LYPD6B: variants seen among roughly 807,000 people sequenced by gnomAD.
LYPD6B encodes ly6/PLAUR domain-containing protein 6B.
A neutral mutation model predicts 22.8 loss-of-function variants in LYPD6B; 17 were observed. That is an observed-to-expected ratio of 0.75 (90% confidence interval 0.51 to 1.12). LYPD6B has a LOEUF of 1.12. Ranked by LOEUF, LYPD6B falls within the 50% of genes most tolerant of loss-of-function variation. The pLI is 0.00. For synonymous variants in LYPD6B, 106 were observed against 91.6 expected (o/e 1.16, Z -0.90); for missense variants, 221 against 258.3 (o/e 0.86, Z 0.99).
At chr2:149,120,214 A>T (rs989566906) in intron 1 of LYPD6B, among the ~76,000 whole-genome samples, 1 of 151,022 alleles carries the variant, frequency 6.6e-6, no homozygotes, top group Non-Finnish European at 1.5e-5. Flanking sequence ...AGAAATTTAC[A>T]GTACTTAGAA....
chr2:149,157,684 G>A (rs10193341), intron 2 of LYPD6B, among the ~76,000 whole-genome samples: 2 of 152,160 alleles, frequency 1.3e-5, no homozygotes, highest in African/African-American at 2.4e-5. Context: ...TTCCATACAC[G>A]TTGAAGGTGA....
chr2:149,061,096 G>A (rs1465949165), intron 1 of LYPD6B, among the ~76,000 whole-genome samples: 3 of 152,066 alleles, frequency 2.0e-5, no homozygotes, highest in Non-Finnish European at 2.9e-5. Flanking sequence ...AGGTGAGGAT[G>A]GTGGTATCTC....
At chr2:149,125,175 C>T (rs1337987300) in intron 1 of LYPD6B, among the ~76,000 whole-genome samples, 2 of 152,170 alleles carry the variant, frequency 1.3e-5, no homozygotes, top group Admixed American at 1.3e-4. Context: ...AACTCAAACA[C>T]ATCTTACCTC....
At chr2:149,147,001 G>T (rs1035470960) in intron 2 of LYPD6B, among the ~76,000 whole-genome samples, 1 of 152,188 alleles carries the variant, frequency 6.6e-6, no homozygotes, top group Non-Finnish European at 1.5e-5. Flanking sequence ...CATCCCTCCA[G>T]TGGGATTGCT....
intron 2 of LYPD6B, among the ~76,000 whole-genome samples, chr2:149,159,947 G>A (rs1222924938): frequency 6.6e-6 from 1 of 152,086 alleles, no homozygotes; most frequent in Non-Finnish European, 1.5e-5. Context: ...ACTGATGTCT[G>A]ACCAAACAGC....
At chr2:149,072,012 A>G in intron 1 of LYPD6B, among the ~76,000 whole-genome samples, 1 of 151,792 alleles carries the variant, frequency 6.6e-6, no homozygotes, top group East Asian at 1.9e-4. Context: ...TTTCACTACA[A>G]CCTCTGCCTC....
chr2:149,180,896 G>A (rs1218916089), intron 3 of LYPD6B, among the ~76,000 whole-genome samples: 2 of 152,176 alleles, frequency 1.3e-5, no homozygotes, highest in East Asian at 3.9e-4. Context: ...CTCTCAGTGG[G>A]CCTCACCTGC....
At chr2:149,042,566 A>C (rs1683130454) in intron 1 of LYPD6B, among the ~76,000 whole-genome samples, 1 of 152,176 alleles carries the variant, frequency 6.6e-6, no homozygotes, top group Admixed American at 6.5e-5. Context: ...GGTAGAGAGA[A>C]ATGCCTTGGG....
chr2:149,055,475 G>A (rs1490996075), intron 1 of LYPD6B, among the ~76,000 whole-genome samples: 1 of 152,180 alleles, frequency 6.6e-6, no homozygotes, highest in African/African-American at 2.4e-5. Flanking sequence ...AATGTGAAGA[G>A]TATTGCCATC....
At chr2:149,088,439 A>C (rs1685501264) in intron 1 of LYPD6B, among the ~76,000 whole-genome samples, 1 of 152,026 alleles carries the variant, frequency 6.6e-6, no homozygotes, top group South Asian at 2.1e-4. Flanking sequence ...CTAGTTTCAA[A>C]ATTTAGTTAT....
At chr2:149,205,460 TG>T in intron 4 of LYPD6B, 56 bp downstream of exon 4, 1 of 1,546,556 alleles carries the variant, frequency 6.5e-7, no homozygotes, top group Non-Finnish European at 8.8e-7. Flanking sequence ...AGTGTTAATA[TG>T]AAGCCCCCTT....
chr2:149,065,093 A>G (rs1345185664), intron 1 of LYPD6B, among the ~76,000 whole-genome samples: 2 of 152,166 alleles, frequency 1.3e-5, no homozygotes, highest in Admixed American at 1.3e-4. Context: ...ACTGTTTTGA[A>G]GTTCACCCTC....
At chr2:149,174,403 A>G (rs765735909) in intron 3 of LYPD6B, among the ~76,000 whole-genome samples, 1 of 152,214 alleles carries the variant, frequency 6.6e-6, no homozygotes, top group African/African-American at 2.4e-5. Context: ...TGCCCTGGCC[A>G]GAACTTCCAA....
chr2:149,079,475 C>A (rs768664385), intron 1 of LYPD6B, among the ~76,000 whole-genome samples: 1 of 152,124 alleles, frequency 6.6e-6, no homozygotes, highest in Non-Finnish European at 1.5e-5. Flanking sequence ...TGGACACTGT[C>A]GTGCAAGGTT....
At chr2:149,074,276 AC>A (rs1470616754) in intron 1 of LYPD6B, among the ~76,000 whole-genome samples, 1 of 152,102 alleles carries the variant, frequency 6.6e-6, no homozygotes, top group Non-Finnish European at 1.5e-5. Flanking sequence ...ATGCACACAC[AC>A]ACACACACAC....
chr2:149,168,288 T>C (rs776423870), intron 3 of LYPD6B, among the ~76,000 whole-genome samples: 6 of 151,674 alleles, frequency 4.0e-5, no homozygotes, highest in Non-Finnish European at 8.8e-5. Flanking sequence ...GGGATGGTGC[T>C]TTCAATGGTT....
chr2:149,132,358 G>A (rs540097453), intron 2 of LYPD6B, among the ~76,000 whole-genome samples: 1 of 151,096 alleles, frequency 6.6e-6, no homozygotes, highest in African/African-American at 2.4e-5. Flanking sequence ...ATTTGGTTTC[G>A]GTTTGGGCAA....
intron 1 of LYPD6B, among the ~76,000 whole-genome samples, chr2:149,098,643 A>AAAAAAAGAAAG (rs769709670): frequency 0.026 from 3,359 of 130,274 alleles, 106 homozygotes; most frequent in African/African-American, 0.03. Flanking sequence ...AAAAAAAAAA[A>AAAAAAAGAAAG]AAAAAAGAAA....
At chr2:149,108,302 T>C (rs1686581154) in intron 1 of LYPD6B, among the ~76,000 whole-genome samples, 1 of 152,220 alleles carries the variant, frequency 6.6e-6, no homozygotes, top group Admixed American at 6.5e-5. Flanking sequence ...CATTGTCCAG[T>C]CTCAGGTATG....
Sources: gnomAD v4.1 joint callset for allele counts (sites outside exome capture counted in the v4.1 genomes callset) on GRCh38, gnomAD v4.1.1 for gene constraint, MANE v1.5 for transcripts, NCBI Gene and HGNC (gene_info 2026-07-23, HGNC 2026-07-21) for gene names.